The following SPACA7 variants were observed in gnomAD, a reference collection of about 807,000 sequenced individuals.
The protein encoded by SPACA7 is sperm acrosome-associated protein 7.
Under a neutral mutation model 26.3 loss-of-function variants are expected in SPACA7, and 19 were observed. The observed-to-expected ratio is 0.72, with a 90% CI of 0.50 to 1.06. The LOEUF (loss-of-function observed/expected upper bound fraction) is 1.06, where lower values mean the gene tolerates loss of function less well. SPACA7 is among the 50% of genes least tolerant of loss of function. The pLI is 0.00. For missense variants in SPACA7, 211 were observed against 229.9 expected (o/e 0.92, Z 0.53); for synonymous variants, 84 against 84.5 (o/e 0.99, Z 0.04).
At chr13:112,430,172 C>CTGTGTGTGTGTGTGTG (rs1254393630) in intron 5 of SPACA7, among the ~76,000 whole-genome samples, 1,882 of 122,662 alleles carry the variant, frequency 0.015, 18 homozygotes, top group African/African-American at 0.025. Context: ...GCATCTCTCT[C>CTGTGTGTGTGTGTGTG]TCTGTGTGTG....
In SPACA7 at chr13:112,430,174, C is replaced by CTCTGTGTGTGTGTGTGTG. The variant is rs1366577519; in HGVS notation, c.446-2269_446-2268insCTGTGTGTGTGTGTGTGT. Among the ~76,000 whole-genome samples, 7 of 134,210 alleles carry CTCTGTGTGTGTGTGTGTG rather than the reference C, an allele frequency of 5.2e-5. No homozygotes were observed. The South Asian group carries it at 7.4e-4, about 14-fold the overall frequency. 88.0% of individuals were successfully genotyped at this position (134,210 alleles called of 152,430 possible). ...CAAGGCATCCCTTGCATCTCTCTCT[C>CTCTGTGTGTGTGTGTGTG]TGTGTGTGTGTGTGTGTGTGTGTGT... On this transcript the variant is annotated intron_variant, in intron 5 of 6. Transcript: ENST00000283550.
chr13:112,425,142 C>T (rs1876404823), intron 5 of SPACA7, among the ~76,000 whole-genome samples: 1 of 152,188 alleles, frequency 6.6e-6, no homozygotes, highest in South Asian at 2.1e-4. Context: ...ACAGGACAGC[C>T]ATGTGCCACA....
intron 1 of SPACA7, among the ~76,000 whole-genome samples, chr13:112,383,258 T>A (rs1483798941): frequency 1.3e-5 from 2 of 151,722 alleles, no homozygotes; most frequent in East Asian, 1.9e-4. Flanking sequence ...AGCATTAGTT[T>A]GGGGATTCTA....
At chr13:112,409,730 G>A (rs1326700078) in intron 5 of SPACA7, among the ~76,000 whole-genome samples, 2 of 152,196 alleles carry the variant, frequency 1.3e-5, no homozygotes, top group Non-Finnish European at 2.9e-5. Flanking sequence ...GTGCTGGAGA[G>A]GATGTGGAGA....
intron 1 of SPACA7, among the ~76,000 whole-genome samples, chr13:112,387,798 T>A (rs879330527): frequency 1.3e-5 from 2 of 152,212 alleles, no homozygotes; most frequent in Non-Finnish European, 2.9e-5. Context: ...TGCAAGATGC[T>A]GCCCAGTGGG....
chr13:112,405,509 T>C (rs1353519550), intron 5 of SPACA7, among the ~76,000 whole-genome samples: 1 of 152,212 alleles, frequency 6.6e-6, no homozygotes, highest in African/African-American at 2.4e-5. Flanking sequence ...AATTTCTAGT[T>C]TTATTGCCCT....
At chr13:112,421,081 G>A (rs1479730490) in intron 5 of SPACA7, among the ~76,000 whole-genome samples, 1 of 151,946 alleles carries the variant, frequency 6.6e-6, no homozygotes, top group African/African-American at 2.4e-5. Context: ...GCATTCTCCA[G>A]GCCAAAATGT....
rs1388883932 is a variant in SPACA7, at chr13:112,376,374, G to A, written c.-12G>A. 14 of 1,611,920 alleles carry A rather than the reference G, an allele frequency of 8.7e-6. No individual in the cohort carries two copies. The highest frequency in any genetic ancestry group is 1.2e-5 in the Non-Finnish European group (14 of 1,179,094). On this transcript the variant is annotated 5_prime_UTR_variant, in exon 1 of 7. Coordinates refer to ENST00000283550, the MANE Select transcript of SPACA7 (RefSeq NM_145248.5). ...ACCTTCAGAACGTCCTTCTCCCTCA[G>A]CTGGAGGGAGCATGGCAGTGAGCCA... is the stretch of plus-strand genomic sequence containing the variant.
chr13:112,392,420 CCTG>C (rs1229134246), intron 1 of SPACA7, among the ~76,000 whole-genome samples: 1 of 152,146 alleles, frequency 6.6e-6, no homozygotes, highest in Non-Finnish European at 1.5e-5. Flanking sequence ...ATGGGACCAC[CCTG>C]AAATCACTTT....
intron 5 of SPACA7, among the ~76,000 whole-genome samples, chr13:112,403,937 T>G (rs899954718): frequency 5.3e-5 from 8 of 152,178 alleles, no homozygotes; most frequent in Admixed American, 3.3e-4. Flanking sequence ...TGGGTAGATA[T>G]GCAGTAGTAG....
intron 1 of SPACA7, among the ~76,000 whole-genome samples, chr13:112,392,306 A>T (rs1264742929): frequency 6.6e-6 from 1 of 152,214 alleles, no homozygotes; most frequent in Non-Finnish European, 1.5e-5. Context: ...AGCTCCCATC[A>T]GTCAGGCAGC....
chr13:112,378,396 C>T (rs1175452038), intron 1 of SPACA7, among the ~76,000 whole-genome samples: 1 of 152,006 alleles, frequency 6.6e-6, no homozygotes, highest in Non-Finnish European at 1.5e-5. Context: ...TCAAGATAAC[C>T]AAAGTAATGC....
rs374179689 is a variant in SPACA7, at chr13:112,427,847, G to GT, written c.446-4588dup. Among the ~76,000 whole-genome samples the GT allele has an allele frequency of 3.8e-4, 58 of 151,492 alleles. No homozygotes were observed. In the South Asian group the frequency reaches 6.5e-3, roughly 17 times the overall value. On this transcript the variant is annotated intron_variant, in intron 5 of 6. Coordinates refer to ENST00000283550, the MANE Select transcript of SPACA7 (RefSeq NM_145248.5). ...TTATTGGCAAAAGTTTTTCACAATA[G>GT]TTTTTTTTTATTCATTTTCAGTGTC...
At chr13:112,383,026 A>AAGAGAGAGAAAGAGAAAG (rs1555324358) in intron 1 of SPACA7, among the ~76,000 whole-genome samples, 1 of 95,220 alleles carries the variant, frequency 1.1e-5, no homozygotes, top group African/African-American at 3.5e-5. Flanking sequence ...GAAAGAAAGA[A>AAGAGAGAGAAAGAGAAAG]AGAGAGAGAG....
At chr13:112,432,332 C>G (rs574952299) in intron 5 of SPACA7, 112 bp from the exon 6 acceptor site, 3 of 795,710 alleles carry the variant, frequency 3.8e-6, no homozygotes, top group Non-Finnish European at 6.4e-6. Context: ...TTGCTCTGTG[C>G]GTGGGTGCTG....
Position 112,393,167 on chromosome 13 carries a change from A to G in SPACA7, c.151+90A>G, listed in dbSNP as rs951257770. On this transcript the variant is annotated intron_variant, in intron 2 of 6. Coordinates refer to ENST00000283550, the MANE Select transcript of SPACA7 (RefSeq NM_145248.5). ...CTGTTTCCCAGATAACCTGGTACCA[A>G]CTGCAGACAGTGGAGGGAACTGATT... The G allele has an allele frequency of 2.9e-4, 301 of 1,039,614 alleles. 1 individual carries two copies. The African/African-American group carries it at 4.2e-3, about 15-fold the overall frequency. 64.4% of individuals were successfully genotyped at this position (1,039,614 alleles called of 1,614,324 possible).
In SPACA7 at chr13:112,413,740, TAA is replaced by T. The variant is rs1254460172; in HGVS notation, c.445+12577_445+12578del. On this transcript the variant is annotated intron_variant, in intron 5 of 6. Transcript: ENST00000283550. ...ATAGATTTGCCCTTTCTTGATTTCA[TAA>T]GTGTTCTGCATTGCTTTTTATTTTC... Among the ~76,000 whole-genome samples the T allele has an allele frequency of 2.0e-5, 3 of 152,250 alleles. No individual in the cohort carries two copies. In the East Asian group the frequency reaches 5.8e-4, roughly 29 times the overall value.
chr13:112,413,679 C>A (rs915868783), intron 5 of SPACA7, among the ~76,000 whole-genome samples: 3 of 152,114 alleles, frequency 2.0e-5, no homozygotes, highest in African/African-American at 2.4e-5. Flanking sequence ...ACTTTCTACT[C>A]CTATATTTTT....
At chr13:112,402,686 A>T (rs1374966392) in intron 5 of SPACA7, among the ~76,000 whole-genome samples, 1 of 152,224 alleles carries the variant, frequency 6.6e-6, no homozygotes. Flanking sequence ...ACATTTGAAC[A>T]TGTAAGGAAA....
Sources: allele counts gnomAD v4.1 joint callset (sites outside exome capture counted in the v4.1 genomes callset), GRCh38; gene constraint gnomAD v4.1.1; transcripts MANE v1.5; gene names NCBI Gene and HGNC (gene_info 2026-07-23, HGNC 2026-07-21).